The following TRMT11 variants were observed in gnomAD, a reference collection of about 807,000 sequenced individuals.
TRMT11 encodes the protein tRNA (guanine(10)-N(2))-methyltransferase TRMT11.
A neutral mutation model predicts 62.8 loss-of-function variants in TRMT11; 53 were observed. The observed-to-expected ratio is 0.84, with a 90% CI of 0.68 to 1.06. The LOEUF (loss-of-function observed/expected upper bound fraction) is 1.06, where lower values mean the gene tolerates loss of function less well. Among genes scored for constraint, TRMT11 ranks in the 50% least tolerant of loss-of-function variants. TRMT11 has a pLI of 0.00. For missense variants in TRMT11, 556 were observed against 553.4 expected, an observed-to-expected ratio of 1.00 and a Z score of -0.05; for synonymous variants, 188 against 190.3, an observed-to-expected ratio of 0.99 and a Z score of 0.10.
intron 21 of TRMT11, among the ~76,000 whole-genome samples, chr6:126,125,253 A>G (rs1777702272): frequency 1.3e-5 from 2 of 151,832 alleles, no homozygotes; most frequent in Non-Finnish European, 2.9e-5. Flanking sequence ...TGGGCTCTTT[A>G]GTTTTTTTCC....
At chr6:126,198,043 G>T (rs567783279) in intron 1 of TRMT11, among the ~76,000 whole-genome samples, 2 of 152,230 alleles carry the variant, frequency 1.3e-5, no homozygotes, top group South Asian at 4.2e-4. Flanking sequence ...TGTAGTCTTT[G>T]AAACAGCTTA....
At chr6:126,054,670 C>A (rs80245282) in intron 17 of TRMT11, among the ~76,000 whole-genome samples, 2 of 152,310 alleles carry the variant, frequency 1.3e-5, no homozygotes, top group African/African-American at 4.8e-5. Context: ...GCTGCTTCTC[C>A]GCTCCAAGAC....
At chr6:126,025,337 G>A (rs980909482) in intron 12 of TRMT11, among the ~76,000 whole-genome samples, 1 of 151,888 alleles carries the variant, frequency 6.6e-6, no homozygotes, top group African/African-American at 2.4e-5. Context: ...ATAAATGAGG[G>A]TACTCACCTT....
At chr6:126,156,199 G>A (rs771192731) in intron 21 of TRMT11, among the ~76,000 whole-genome samples, 1 of 152,192 alleles carries the variant, frequency 6.6e-6, no homozygotes, top group Non-Finnish European at 1.5e-5. Flanking sequence ...TTGAGTGTGT[G>A]TGGATTTTGC....
At chr6:126,091,294 C>G (rs959794178) in intron 17 of TRMT11, among the ~76,000 whole-genome samples, 2 of 152,100 alleles carry the variant, frequency 1.3e-5, no homozygotes, top group African/African-American at 4.8e-5. Flanking sequence ...GAAGTGTAAC[C>G]TAACTGGAAG....
chr6:126,067,901 G>GT (rs1382179177), intron 17 of TRMT11, among the ~76,000 whole-genome samples: 4 of 152,062 alleles, frequency 2.6e-5, no homozygotes, highest in African/African-American at 9.7e-5. Flanking sequence ...TTTTGCTTGT[G>GT]TTTTTTAAAA....
the TRMT11 span, among the ~76,000 whole-genome samples, chr6:126,260,643 T>A: frequency 6.6e-6 from 1 of 152,176 alleles, no homozygotes; most frequent in Non-Finnish European, 1.5e-5. Context: ...TCAGGCTTTG[T>A]TTTTCTGTAA....
chr6:126,269,064 AT>A, the TRMT11 span, among the ~76,000 whole-genome samples: 1 of 151,474 alleles, frequency 6.6e-6, no homozygotes, highest in African/African-American at 2.4e-5. Flanking sequence ...GATCGAGACC[AT>A]CCCGGCTAAA....
chr6:126,171,221 G>A (rs760269144), intron 21 of TRMT11, among the ~76,000 whole-genome samples: 5 of 151,938 alleles, frequency 3.3e-5, no homozygotes, highest in Middle Eastern at 3.2e-3. Flanking sequence ...TTTTTATAGC[G>A]TTATGAAAGC....
chr6:126,154,323 A>G (rs749630725), intron 21 of TRMT11, among the ~76,000 whole-genome samples: 33 of 149,094 alleles, frequency 2.2e-4, no homozygotes, highest in Non-Finnish European at 4.7e-4. Flanking sequence ...AGTAATAAAG[A>G]TATGTGTGTG....
intron 12 of TRMT11, among the ~76,000 whole-genome samples, chr6:126,022,717 C>T (rs1331875319): frequency 6.6e-6 from 1 of 152,088 alleles, no homozygotes; most frequent in Non-Finnish European, 1.5e-5. Context: ...AATCAGGCTC[C>T]AATATCAGGG....
rs1242756522 is a variant in TRMT11, at chr6:125,986,602, C to T, written c.52C>T (p.His18Tyr). 2 of 1,582,590 alleles carry T rather than the reference C, an allele frequency of 1.3e-6. No homozygotes were observed. The highest frequency in any genetic ancestry group is 8.6e-7 in the Non-Finnish European group (1 of 1,166,940). Reference protein sequence around the residue: ...NRYLLLMAQEHLEFRLPEIKS... With the variant: ...NRYLLLMAQEYLEFRLPEIKS... ...GTATCTGCTCCTCATGGCGCAGGAG[C>T]ATCTGGAGTTCCGCCTGCCGGTGAG... The change falls in exon 1 of 13, where the codon CAT (histidine) becomes TAT (tyrosine). Residue 18 changes from histidine (H) to tyrosine (Y), a missense_variant. His to Tyr is a moderately conservative substitution (Grantham distance 83). Transcript: ENST00000334379.
intron 1 of TRMT11, among the ~76,000 whole-genome samples, chr6:125,989,106 T>A (rs2128727283): frequency 6.6e-6 from 1 of 151,734 alleles, no homozygotes; most frequent in Admixed American, 6.6e-5. Flanking sequence ...TTTGACACCA[T>A]TCTAAGGAGT....
chr6:126,010,209 C>CA, intron 8 of TRMT11, among the ~76,000 whole-genome samples: 1 of 152,080 alleles, frequency 6.6e-6, no homozygotes, highest in African/African-American at 2.4e-5. Context: ...AAAACGCTAA[C>CA]AAAGGCCACA....
chr6:126,077,663 C>T (rs941291193), intron 17 of TRMT11, among the ~76,000 whole-genome samples: 3 of 152,194 alleles, frequency 2.0e-5, no homozygotes, highest in Non-Finnish European at 4.4e-5. Flanking sequence ...AGAACAACAT[C>T]TGTTGTCAAC....
intron 21 of TRMT11, among the ~76,000 whole-genome samples, chr6:126,136,576 C>T (rs1583885693): frequency 6.6e-6 from 1 of 151,302 alleles, no homozygotes; most frequent in East Asian, 1.9e-4. Context: ...TCTATACTAC[C>T]CTAAGTGAAC....
the TRMT11 span, among the ~76,000 whole-genome samples, chr6:126,256,309 A>G: frequency 6.6e-6 from 1 of 152,216 alleles, no homozygotes; most frequent in African/African-American, 2.4e-5. Context: ...TTGAGTCAAT[A>G]TGGGAAGGGA....
At chr6:126,065,311 C>T (rs897327056) in intron 17 of TRMT11, among the ~76,000 whole-genome samples, 2 of 152,084 alleles carry the variant, frequency 1.3e-5, no homozygotes, top group Non-Finnish European at 2.9e-5. Context: ...ACTCCTGCCA[C>T]GATGACGAGG....
At chr6:126,254,555 G>A in the TRMT11 span, among the ~76,000 whole-genome samples, 2 of 152,214 alleles carry the variant, frequency 1.3e-5, no homozygotes, top group African/African-American at 2.4e-5. Flanking sequence ...GCAGATCATA[G>A]AATGTGTAAA....
Sources: gnomAD v4.1 joint callset for allele counts (sites outside exome capture counted in the v4.1 genomes callset) on GRCh38, gnomAD v4.1.1 for gene constraint, MANE v1.5 for transcripts, NCBI Gene and HGNC (gene_info 2026-07-23, HGNC 2026-07-21) for gene names.